Variants in FNBP1L observed in about 807,000 individuals in gnomAD.
The protein encoded by FNBP1L is formin-binding protein 1-like.
FNBP1L carries 36 observed loss-of-function variants against 91.2 expected under a neutral mutation model. The observed-to-expected ratio is 0.39, with a 90% CI of 0.30 to 0.52. The LOEUF is 0.52. Ranked by LOEUF, FNBP1L falls within the 20% of genes least tolerant of loss-of-function variation. The pLI, the probability that FNBP1L is intolerant of heterozygous loss-of-function variation, is 0.66. For synonymous variants in FNBP1L, 242 were observed against 237.0 expected, an observed-to-expected ratio of 1.02 and a Z score of -0.19; for missense variants, 571 against 732.1, an observed-to-expected ratio of 0.78 and a Z score of 2.54.
At chr1:93,453,018 C>T (rs1232988907) in intron 1 of FNBP1L, among the ~76,000 whole-genome samples, 2 of 152,196 alleles carry the variant, frequency 1.3e-5, no homozygotes, top group Admixed American at 6.5e-5. Context: ...ATTGATACCA[C>T]TGCCCAGAAT....
chr1:93,551,103 A>G lies in FNBP1L; in HGVS notation c.1808A>G (p.Lys603Arg). Residue 603 changes from lysine (K) to arginine (R), a missense_variant and splice_region_variant, in exon 16 of 17, where the codon AAA becomes AGA. Around this residue, in one of 5 missense-constraint regions of FNBP1L, gnomAD observed 189 missense variants for 219.7 expected, o/e 0.86. Transcript: ENST00000271234. The stretch of plus-strand genomic sequence containing the variant: ...GATGTAACTCTAGAGAAAAACAGTA[A>G]AGGTGCAGTAACTTATATCTAAACT... Reference protein sequence around the residue: ...YIDVTLEKNSKGS With the variant: ...YIDVTLEKNSRGS The G allele has an allele frequency of 1.9e-6, 3 of 1,604,468 alleles. No individual in the cohort carries two copies. Among genetic ancestry groups the G allele is most frequent in the Non-Finnish European group, 2.6e-6 (3 of 1,174,940 alleles).
rs572328199 is a variant in FNBP1L at position 93,496,121 on chromosome 1, C to G, written c.25-3347C>G. On this transcript the variant is annotated intron_variant, in intron 1 of 16. Transcript: ENST00000271234. ...GAAGGCCAGTCTGTTCAATGAAAGC[C>G]TTCAACTGATTAGATGAGGCCCACC... 5.3e-5 allele frequency among the ~76,000 whole-genome samples: 8 copies of G among 152,228 alleles called. No homozygotes were observed. The East Asian group carries it at 1.5e-3, about 29-fold the overall frequency.
At chr1:93,483,016 T>TAAA (rs761508055) in intron 1 of FNBP1L, among the ~76,000 whole-genome samples, 2 of 115,350 alleles carry the variant, frequency 1.7e-5, no homozygotes, top group Admixed American at 9.1e-5. Context: ...AGACTCCGTC[T>TAAA]AAAAAAAACA....
intron 1 of FNBP1L, among the ~76,000 whole-genome samples, chr1:93,494,917 A>C (rs1184553002): frequency 6.6e-6 from 1 of 152,150 alleles, no homozygotes; most frequent in African/African-American, 2.4e-5. Context: ...AAACCATCAG[A>C]TCTCATGAGA....
chr1:93,530,987 C>T (rs1300186259), intron 7 of FNBP1L, 104 bp downstream of exon 7: 3 of 936,986 alleles, frequency 3.2e-6, no homozygotes, highest in African/African-American at 1.7e-5. Flanking sequence ...CACTAGACAT[C>T]AGGGTTGGGG....
At chr1:93,506,570 C>T (rs958403394) in intron 2 of FNBP1L, among the ~76,000 whole-genome samples, 1 of 152,042 alleles carries the variant, frequency 6.6e-6, no homozygotes, top group Admixed American at 6.6e-5. Context: ...TCTAATATTA[C>T]CCTTTGCTGG....
chr1:93,493,338 T>G (rs555696897), intron 1 of FNBP1L, among the ~76,000 whole-genome samples: 2 of 152,330 alleles, frequency 1.3e-5, no homozygotes, highest in African/African-American at 4.8e-5. Context: ...AAATTTATTT[T>G]TGGTGGAGGG....
chr1:93,523,593 C>G (rs1671402296), intron 4 of FNBP1L, 102 bp downstream of exon 4: 1 of 1,035,250 alleles, frequency 9.7e-7, no homozygotes, highest in Admixed American at 3.2e-5. Context: ...ACTGGTTTTT[C>G]TATTTCACTA....
In FNBP1L at chr1:93,542,266, C is replaced by T. The variant is rs143717462; in HGVS notation, c.1164+1210C>T. On this transcript the variant is annotated intron_variant, in intron 11 of 16. Transcript: ENST00000271234. ...CTCAACTGCATTCCATTGTGGGCAA[C>T]AGAATGAGACCCTATCTCTACAAAA... Among the ~76,000 whole-genome samples, 8 of 151,986 alleles carry T rather than the reference C, an allele frequency of 5.3e-5. No individual in the cohort carries two copies. The East Asian group carries it at 1.4e-3, about 26-fold the overall frequency.
intron 1 of FNBP1L, among the ~76,000 whole-genome samples, chr1:93,465,871 T>C (rs1423068263): frequency 2.0e-5 from 3 of 152,202 alleles, no homozygotes. Flanking sequence ...ACCTGTTGTT[T>C]CCTGACTTTT....
At chr1:93,481,136 T>TG (rs1481328931) in intron 1 of FNBP1L, among the ~76,000 whole-genome samples, 1 of 152,196 alleles carries the variant, frequency 6.6e-6, no homozygotes, top group Non-Finnish European at 1.5e-5. Context: ...CCCCTTTTGA[T>TG]GTAGAGGTCC....
At position 93,546,802 on chromosome 1, in the gene FNBP1L, G is replaced by T. The variant is rs572480808; in HGVS notation, c.1275-40G>T. 1.3e-4 allele frequency: 201 copies of T among 1,604,310 alleles called. 1 individual carries two copies. The South Asian group carries it at 2.1e-3, about 17-fold the overall frequency. On this transcript the variant is annotated intron_variant, in intron 12 of 16. Coordinates refer to ENST00000271234, the MANE Select transcript of FNBP1L (RefSeq NM_001164473.3). ...AAAACTCTTTTATCTGGAAGCATATGAAGTTAATATTTAATTCTGGGGTTC... is the reference window on the plus strand; with the variant it reads ...AAAACTCTTTTATCTGGAAGCATATTAAGTTAATATTTAATTCTGGGGTTC...
chr1:93,464,868 A>C (rs1005778576), intron 1 of FNBP1L, among the ~76,000 whole-genome samples: 3 of 152,122 alleles, frequency 2.0e-5, no homozygotes, highest in Non-Finnish European at 4.4e-5. Flanking sequence ...TGAGTATAAC[A>C]TGTGTTCCTC....
chr1:93,514,882 C>G (rs965978930), intron 2 of FNBP1L, among the ~76,000 whole-genome samples: 1 of 151,998 alleles, frequency 6.6e-6, no homozygotes, highest in Non-Finnish European at 1.5e-5. Context: ...TCTAAAACAC[C>G]AAAAGCAATG....
Position 93,534,847 on chromosome 1 carries a change from A to T in FNBP1L, c.929A>T (p.Asp310Val), listed in dbSNP as rs1162014137. 1 of 1,580,490 alleles carries T rather than the reference A, an allele frequency of 6.3e-7. No homozygotes were observed. Among genetic ancestry groups the T allele is most frequent in the South Asian group, 1.2e-5 (1 of 85,988 alleles). Residue 310 changes from aspartate (D) to valine (V), a missense_variant, in exon 9 of 17, where the codon GAT becomes GTT. Physicochemically the swap from Asp to Val is radical, Grantham distance 152 (BLOSUM62 -3). Transcript: ENST00000271234. The part of the protein sequence containing the change: ...SASKQESGKM[D>V]AKTTVGKAKG... ...TCCAAACAGGAGAGTGGGAAGATGG[A>T]TGCCAAAACCACAGTAGGAAAGGCC...
chr1:93,512,825 G>T (rs1413222191), intron 2 of FNBP1L, among the ~76,000 whole-genome samples: 1 of 151,986 alleles, frequency 6.6e-6, no homozygotes, highest in African/African-American at 2.4e-5. Flanking sequence ...AAGCAGGAAA[G>T]ATCCAAAATT....
intron 5 of FNBP1L, among the ~76,000 whole-genome samples, chr1:93,528,522 A>G (rs150223933): frequency 5.3e-5 from 8 of 152,290 alleles, no homozygotes; most frequent in African/African-American, 1.9e-4. Context: ...AGATTCAGTT[A>G]TCTCCTGCAG....
intron 1 of FNBP1L, among the ~76,000 whole-genome samples, chr1:93,464,893 A>G (rs891403146): frequency 8.5e-5 from 13 of 152,084 alleles, no homozygotes; most frequent in Non-Finnish European, 1.2e-4. Flanking sequence ...AATGATTTCT[A>G]TTACTTCTGT....
Position 93,529,797 on chromosome 1 carries a change from T to C in FNBP1L, c.510+41T>C, listed in dbSNP as rs369785477. The C allele has an allele frequency of 1.4e-5, 17 of 1,198,550 alleles. No individual in the cohort carries two copies. The East Asian group carries it at 4.0e-4, about 28-fold the overall frequency. 74.2% of individuals were successfully genotyped at this position (1,198,550 alleles called of 1,614,324 possible). On this transcript the variant is annotated intron_variant, in intron 6 of 16. Coordinates refer to ENST00000271234, the MANE Select transcript of FNBP1L (RefSeq NM_001164473.3). ...AACCAACTTTAATGTCAAAATATTA[T>C]TATTTGCATAAGGAAAGTAGTCACG...
Sources: gnomAD v4.1 joint callset for allele counts (sites outside exome capture counted in the v4.1 genomes callset) on GRCh38, gnomAD v4.1.1 for gene constraint, gnomAD v4.1.1 regional missense constraint, MANE v1.5 for transcripts, NCBI Gene and HGNC (gene_info 2026-07-23, HGNC 2026-07-21) for gene names.